The following SOX6 variants were observed in gnomAD, a reference collection of about 807,000 sequenced individuals.
SOX6 encodes the protein transcription factor SOX-6.
In SOX6, 11 loss-of-function variants were observed where a neutral mutation model predicts 97.8. The observed-to-expected ratio is 0.11, with a 90% CI of 0.07 to 0.19. The LOEUF is 0.19. Ranked by LOEUF, SOX6 falls within the 10% of genes least tolerant of loss-of-function variation. The pLI is 1.00. For synonymous variants in SOX6, 360 were observed against 371.4 expected (o/e 0.97, Z 0.35); for missense variants, 810 against 1,039.5 (o/e 0.78, Z 3.04).
intron 9 of SOX6, among the ~76,000 whole-genome samples, chr11:16,067,375 G>C (rs112636347): frequency 2.6e-5 from 4 of 152,054 alleles, no homozygotes; most frequent in Non-Finnish European, 4.4e-5. Flanking sequence ...GGTTTTTCCC[G>C]TGCTGTTCTC....
intron 4 of SOX6, among the ~76,000 whole-genome samples, chr11:16,220,209 A>C (rs1312627602): frequency 6.6e-6 from 1 of 152,034 alleles, no homozygotes; most frequent in Non-Finnish European, 1.5e-5. Flanking sequence ...ATTACATGTG[A>C]ATAACCCATT....
In SOX6 at chr11:16,692,051, G is replaced by A. The variant is rs1019650197; in HGVS notation, n.429+22779C>T. Among the ~76,000 whole-genome samples, 8 of 122,584 alleles carry A rather than the reference G, an allele frequency of 6.5e-5. No homozygotes were observed. The East Asian group carries it at 7.2e-4, about 11-fold the overall frequency. The allele number at this position is 122,584 out of a possible 152,430, so 80.4% of individuals were successfully genotyped here. A position where few individuals can be genotyped will look rare whatever the true frequency, so the allele number is the denominator to read the frequency against. ...AGACTTCACTGAAGTTTTGATTTGC[G>A]TGTGCGTGTGTGTGTGTGTGTGTGT... On this transcript the variant is annotated intron_variant and non_coding_transcript_variant, in intron 3 of 5. Coordinates refer to the SOX6 transcript ENST00000524520.
intron 1 of SOX6, among the ~76,000 whole-genome samples, chr11:16,737,238 G>A (rs745886799): frequency 5.9e-5 from 9 of 152,074 alleles, no homozygotes; most frequent in African/African-American, 9.7e-5. Context: ...ACCGAGTCTC[G>A]TTCTGTCACC....
intron 4 of SOX6, among the ~76,000 whole-genome samples, chr11:16,591,136 G>C (rs748107459): frequency 1.8e-4 from 28 of 151,958 alleles, no homozygotes; most frequent in Non-Finnish European, 2.9e-5. Flanking sequence ...ACAATGCTTT[G>C]AAATGAGAAG....
At position 16,214,564 on chromosome 11, in the gene SOX6, A is replaced by T. The variant is rs180884759; in HGVS notation, c.535+20018T>A. Among the ~76,000 whole-genome samples the T allele has an allele frequency of 1.4e-3, 207 of 152,014 alleles. 1 individual carries two copies. The highest frequency in any genetic ancestry group is 4.7e-3 in the African/African-American group (193 of 41,464). ...GAGTGACTCAACTGCTAAAATAACC[A>T]TTACCCGCTGCTCCTATACTGTCAG... On this transcript the variant is annotated intron_variant, in intron 4 of 15. Coordinates refer to ENST00000683767, the MANE Select transcript of SOX6 (RefSeq NM_001367873.1).
chr11:16,324,706 TG>T (rs1337001936), intron 2 of SOX6, among the ~76,000 whole-genome samples: 1 of 152,160 alleles, frequency 6.6e-6, no homozygotes, highest in Non-Finnish European at 1.5e-5. Context: ...AACAGATAAA[TG>T]AATTTTAAAA....
chr11:15,988,869 A>G (rs1590111778), intron 14 of SOX6, 128 bp downstream of exon 14: 2 of 877,426 alleles, frequency 2.3e-6, no homozygotes, highest in African/African-American at 3.3e-5. Context: ...CAGCTGGCTG[A>G]CCTTCGTCTA....
chr11:16,357,680 G>A (rs7127006), upstream of SOX6, among the ~76,000 whole-genome samples: 43,661 of 152,010 alleles, frequency 0.29, 6,813 homozygotes, highest in African/African-American at 0.37. Flanking sequence ...GACAGCCTTC[G>A]CTGTGTGTTA....
At chr11:16,032,886 C>T (rs916148123) in intron 12 of SOX6, among the ~76,000 whole-genome samples, 2 of 152,192 alleles carry the variant, frequency 1.3e-5, no homozygotes, top group Non-Finnish European at 2.9e-5. Context: ...CCTTTGAGGG[C>T]ATTTCAAGTC....
chr11:16,094,926 G>C (rs1174521784), intron 9 of SOX6, among the ~76,000 whole-genome samples: 2 of 151,788 alleles, frequency 1.3e-5, no homozygotes, highest in African/African-American at 4.8e-5. Flanking sequence ...CTTTTCTTAG[G>C]AGTGATCATT....
intron 1 of SOX6, among the ~76,000 whole-genome samples, chr11:16,412,796 C>T (rs1043188380): frequency 2.0e-5 from 3 of 152,272 alleles, no homozygotes; most frequent in Non-Finnish European, 4.4e-5. Flanking sequence ...ATCAGAAGCT[C>T]AAGGTTAGAA....
At chr11:16,440,541 C>A (rs1489735503) in intron 1 of SOX6, among the ~76,000 whole-genome samples, 5 of 152,120 alleles carry the variant, frequency 3.3e-5, no homozygotes, top group Non-Finnish European at 7.4e-5. Context: ...AATGACAGCA[C>A]TTGTTAATGG....
intron 1 of SOX6, among the ~76,000 whole-genome samples, chr11:16,411,897 T>C (rs947892318): frequency 6.6e-6 from 1 of 152,170 alleles, no homozygotes; most frequent in African/African-American, 2.4e-5. Context: ...TATACATTAA[T>C]GAAAAGGATT....
At chr11:16,057,053 G>A (rs1335815596) in intron 9 of SOX6, among the ~76,000 whole-genome samples, 2 of 151,998 alleles carry the variant, frequency 1.3e-5, no homozygotes, top group Admixed American at 1.3e-4. Context: ...TTCCTACCCT[G>A]GTCCTCCTTA....
chr11:16,201,640 T>C (rs1851941691), intron 4 of SOX6, among the ~76,000 whole-genome samples: 2 of 140,170 alleles, frequency 1.4e-5, no homozygotes, highest in African/African-American at 2.6e-5. Context: ...TTTTTTCTTT[T>C]TTTTTTTTTT....
chr11:16,099,508 C>A (rs1043241573), intron 7 of SOX6, among the ~76,000 whole-genome samples: 4 of 151,718 alleles, frequency 2.6e-5, no homozygotes, highest in Non-Finnish European at 5.9e-5. Flanking sequence ...CATTTTAGAG[C>A]TGTTCTTTCT....
intron 3 of SOX6, among the ~76,000 whole-genome samples, chr11:16,689,598 G>A (rs1847997051): frequency 6.6e-6 from 1 of 152,138 alleles, no homozygotes; most frequent in South Asian, 2.1e-4. Context: ...GATTTTAGTA[G>A]TCCTAGCAGC....
intron 4 of SOX6, among the ~76,000 whole-genome samples, chr11:16,488,341 T>C (rs1398571139): frequency 1.3e-5 from 2 of 152,170 alleles, no homozygotes; most frequent in Admixed American, 1.3e-4. Context: ...ATTGTAAAAC[T>C]ATATAATCTC....
rs1452769340 is a variant in SOX6 at position 15,972,949 on chromosome 11, T to G, written c.2347A>C (p.Lys783Gln). Residue 783 changes from lysine (K) to glutamine (Q), a missense_variant, in exon 16 of 16, where the codon AAG becomes CAG. Transcript: ENST00000683767. The stretch of plus-strand genomic sequence containing the variant: ...CCAGCTAGGCTTCCGCCATCTGTCT[T>G]CATACCATAAGTGCTCTGGATGACC... Reference protein sequence around the residue: ...LPVIQSTYGMKTDGGSLAGNE... With the variant: ...LPVIQSTYGMQTDGGSLAGNE... 6.2e-7 allele frequency: 1 copy of G among 1,614,110 alleles called. No individual in the cohort carries two copies. Among genetic ancestry groups the G allele is most frequent in the Non-Finnish European group, 8.5e-7 (1 of 1,180,034 alleles).
Sources: gnomAD v4.1 joint callset for allele counts (sites outside exome capture counted in the v4.1 genomes callset) on GRCh38, gnomAD v4.1.1 for gene constraint, MANE v1.5 for transcripts, NCBI Gene and HGNC (gene_info 2026-07-23, HGNC 2026-07-21) for gene names.